Variants in AGBL3 observed in about 807,000 individuals in gnomAD.
The protein encoded by AGBL3 is AGBL carboxypeptidase 3, also known as cytosolic carboxypeptidase 3.
A neutral mutation model predicts 94.5 loss-of-function variants in AGBL3; 68 were observed. The ratio of observed to expected loss-of-function variants is 0.72; its 90% CI spans 0.59 to 0.88. The LOEUF is 0.88. Among genes scored for constraint, AGBL3 ranks in the 40% least tolerant of loss-of-function variants. The pLI, the probability that AGBL3 is intolerant of heterozygous loss-of-function variation, is 0.00. For missense variants in AGBL3, 934 were observed against 1,103.8 expected, an observed-to-expected ratio of 0.85 and a Z score of 2.18; for synonymous variants, 354 against 370.7, an observed-to-expected ratio of 0.95 and a Z score of 0.52.
Position 135,034,754 on chromosome 7 carries a change from C to T in AGBL3, c.1163C>T (p.Ala388Val). The T allele has an allele frequency of 6.4e-7, 1 of 1,551,408 alleles. No homozygotes were observed. The highest frequency in any genetic ancestry group is 2.4e-5 in the East Asian group (1 of 40,914). Residue 388 changes from alanine to valine, a missense_variant, in exon 7 of 17, where the codon GCA becomes GTA. Ala to Val is a moderately conservative substitution (Grantham distance 64). Coordinates refer to ENST00000436302, the MANE Select transcript of AGBL3 (RefSeq NM_178563.4). ...TATATTTTAGGAAACTCAAGTGATG[C>T]ACAGTTGCTTCGGGACACTTTTGTC... Reference protein sequence around the residue: ...LDYILGNSSDAQLLRDTFVFK... With the variant: ...LDYILGNSSDVQLLRDTFVFK...
At chr7:135,038,315 A>C (rs752541091) in intron 8 of AGBL3, among the ~76,000 whole-genome samples, 1 of 152,246 alleles carries the variant, frequency 6.6e-6, no homozygotes, top group African/African-American at 2.4e-5. Flanking sequence ...CTATTTAAAG[A>C]AAGAACAGGT....
At chr7:135,129,200 C>T (rs1296911080) in intron 16 of AGBL3, 24 of 1,422,080 alleles carry the variant, frequency 1.7e-5, no homozygotes, top group South Asian at 8.0e-5. Flanking sequence ...ACTGCCCCCA[C>T]GCATGCTGCC....
intron 11 of AGBL3, among the ~76,000 whole-genome samples, chr7:135,050,574 A>G (rs775973875): frequency 7.9e-5 from 12 of 151,716 alleles, no homozygotes; most frequent in Non-Finnish European, 1.2e-4. Flanking sequence ...GGCTGCATAT[A>G]TATTTGTGAT....
At chr7:135,119,024 A>G (rs1342936234) in intron 16 of AGBL3, among the ~76,000 whole-genome samples, 1 of 152,204 alleles carries the variant, frequency 6.6e-6, no homozygotes, top group African/African-American at 2.4e-5. Flanking sequence ...AGGCACCTGT[A>G]GGACTATAAG....
At position 135,133,984 on chromosome 7, in the gene AGBL3, T is replaced by C. The variant is rs1358646660; in HGVS notation, c.2343-857T>C. Among the ~76,000 whole-genome samples, 5 of 151,948 alleles carry C rather than the reference T, an allele frequency of 3.3e-5. No homozygotes were observed. In the East Asian group the frequency reaches 9.7e-4, roughly 29 times the overall value. On this transcript the variant is annotated intron_variant, in intron 16 of 16. Coordinates refer to ENST00000436302, the MANE Select transcript of AGBL3 (RefSeq NM_178563.4). ...AAAAAGCTGATCCTAGAAGGTTACA[T>C]ACAGTATGATTCCTTTATGCAACAT...
At chr7:134,990,168 T>C (rs1810050062) in intron 3 of AGBL3, among the ~76,000 whole-genome samples, 1 of 152,218 alleles carries the variant, frequency 6.6e-6, no homozygotes, top group Admixed American at 6.5e-5. Context: ...AATCCCTTTA[T>C]GTTGCTTCCT....
chr7:135,027,703 G>T (rs139192047), intron 5 of AGBL3, among the ~76,000 whole-genome samples: 103 of 151,378 alleles, frequency 6.8e-4, no homozygotes, highest in African/African-American at 2.2e-3. Context: ...TTGTCTTGTA[G>T]CCTCTGTTGT....
intron 7 of AGBL3, among the ~76,000 whole-genome samples, chr7:135,036,969 T>C (rs181834960): frequency 6.6e-6 from 1 of 151,660 alleles, no homozygotes; most frequent in Non-Finnish European, 1.5e-5. Context: ...CAGGCTGGAG[T>C]GCAGTAGTAA....
At chr7:135,018,054 A>G (rs1814007811) in intron 5 of AGBL3, among the ~76,000 whole-genome samples, 1 of 152,210 alleles carries the variant, frequency 6.6e-6, no homozygotes, top group East Asian at 1.9e-4. Flanking sequence ...GAGTAATTTA[A>G]TAAAGTTTAA....
intron 12 of AGBL3, among the ~76,000 whole-genome samples, chr7:135,063,125 T>C (rs1377588892): frequency 6.6e-6 from 1 of 152,178 alleles, no homozygotes; most frequent in African/African-American, 2.4e-5. Flanking sequence ...TTATTTCTTC[T>C]AGGTTATCTA....
intron 1 of AGBL3, 128 bp downstream of exon 1, chr7:134,986,829 C>T (rs867652376): frequency 5.3e-4 from 81 of 152,422 alleles, no homozygotes; most frequent in African/African-American, 1.8e-3. Flanking sequence ...GTTGTGGCCT[C>T]ATCGTGCTTC....
At chr7:135,093,845 T>TGTTTAAG (rs1175748059) in intron 15 of AGBL3, 3 of 152,248 alleles carry the variant, frequency 2.0e-5, no homozygotes, top group African/African-American at 4.8e-5. Flanking sequence ...ATTTCAAAAC[T>TGTTTAAG]GACTACCAAG....
intron 15 of AGBL3, among the ~76,000 whole-genome samples, chr7:135,107,211 C>G (rs1824864955): frequency 6.6e-6 from 1 of 151,966 alleles, no homozygotes; most frequent in African/African-American, 2.4e-5. Flanking sequence ...GTCTCAGTCT[C>G]CTCCACTTCA....
Position 135,034,484 on chromosome 7 carries a change from G to A in AGBL3, c.893G>A (p.Cys298Tyr). ...AAAGATACCTGCTACTTTGCTCATT[G>A]CTATCCATACACTTACACCAACCTG... ...HNKDTCYFAH[C>Y]YPYTYTNLQE... Residue 298 changes from cysteine to tyrosine, a missense_variant, in exon 7 of 17, where the codon TGC becomes TAC. Coordinates refer to ENST00000436302, the MANE Select transcript of AGBL3 (RefSeq NM_178563.4). 1 of 1,551,814 alleles carries A rather than the reference G, an allele frequency of 6.4e-7. No homozygotes were observed. Among genetic ancestry groups the A allele is most frequent in the Non-Finnish European group, 8.7e-7 (1 of 1,147,020 alleles).
intron 2 of AGBL3, 58 bp downstream of exon 2, chr7:134,988,054 C>A: frequency 8.5e-7 from 1 of 1,179,568 alleles, no homozygotes; most frequent in South Asian, 1.5e-5. Flanking sequence ...TATAAATCCC[C>A]AATTAAAATA....
chr7:135,084,317 C>G (rs534698727), intron 15 of AGBL3, among the ~76,000 whole-genome samples: 29 of 152,214 alleles, frequency 1.9e-4, no homozygotes, highest in Non-Finnish European at 3.4e-4. Flanking sequence ...AGCATCACCT[C>G]AAACAGTTAT....
At chr7:135,029,866 T>C (rs911677147) in intron 5 of AGBL3, among the ~76,000 whole-genome samples, 2 of 152,088 alleles carry the variant, frequency 1.3e-5, no homozygotes, top group African/African-American at 4.8e-5. Context: ...AATATTGTTA[T>C]GTCTCAGGGA....
chr7:135,005,058 C>T (rs143639658), intron 4 of AGBL3, among the ~76,000 whole-genome samples: 26 of 151,770 alleles, frequency 1.7e-4, no homozygotes, highest in African/African-American at 6.0e-4. Flanking sequence ...CAACTAGATT[C>T]TTACAATCAA....
Position 135,044,170 on chromosome 7 carries a change from A to G in AGBL3, c.1627+19A>G, listed in dbSNP as rs754114559. ...ACTCTGGGTAAGACCAAGGGTTCTC[A>G]TTCACAGCTCTCAAAGCTTTAAACC... On this transcript the variant is annotated intron_variant, in intron 9 of 16. Coordinates refer to ENST00000436302, the MANE Select transcript of AGBL3 (RefSeq NM_178563.4). The G allele has an allele frequency of 1.1e-5, 17 of 1,540,544 alleles. No homozygotes were observed. The African/African-American group carries it at 1.2e-4, about 11-fold the overall frequency.
Sources: allele counts gnomAD v4.1 joint callset (sites outside exome capture counted in the v4.1 genomes callset), GRCh38; gene constraint gnomAD v4.1.1; transcripts MANE v1.5; gene names NCBI Gene and HGNC (gene_info 2026-07-23, HGNC 2026-07-21).